The following NCOR1 variants were observed in gnomAD, a reference collection of about 807,000 sequenced individuals.
NCOR1 encodes the protein protein phosphatase 1, regulatory subunit 109.
NCOR1 carries 63 observed loss-of-function variants against 288.1 expected under a neutral mutation model. That is an observed-to-expected ratio of 0.22 (90% confidence interval 0.18 to 0.27). The LOEUF (loss-of-function observed/expected upper bound fraction) is 0.27. Among genes scored for constraint, NCOR1 ranks in the 10% least tolerant of loss-of-function variants. The pLI is 1.00. For synonymous variants in NCOR1, 1,007 were observed against 1,065.9 expected, an observed-to-expected ratio of 0.94 and a Z score of 1.08; for missense variants, 2,397 against 3,019.2, an observed-to-expected ratio of 0.79 and a Z score of 4.83.
At chr17:16,045,582 C>T (rs544033280) in intron 42 of NCOR1, among the ~76,000 whole-genome samples, 1 of 152,218 alleles carries the variant, frequency 6.6e-6, no homozygotes, top group South Asian at 2.1e-4. Context: ...AATCTTGGCT[C>T]ACTGCAACCT....
chr17:16,070,667 C>T (rs887247109), intron 30 of NCOR1, 142 bp from the exon 31 acceptor site: 1 of 1,083,788 alleles, frequency 9.2e-7, no homozygotes, highest in Non-Finnish European at 1.3e-6. Context: ...CACAACCCCA[C>T]TGATCCCAAG....
At chr17:16,042,293 A>C (rs2057861936) in intron 42 of NCOR1, among the ~76,000 whole-genome samples, 1 of 105,394 alleles carries the variant, frequency 9.5e-6, no homozygotes, top group African/African-American at 4.2e-5. Flanking sequence ...AGTGTGTGGA[A>C]CAGGAGTCAT....
rs192811874 is a variant in NCOR1, at chr17:16,044,591, G to A, written c.6679+2360C>T. 283 of 554,098 alleles carry A rather than the reference G, an allele frequency of 5.1e-4. 1 individual carries two copies. Among genetic ancestry groups the A allele is most frequent in the African/African-American group, 4.3e-3 (225 of 52,510 alleles). 34.3% of individuals were successfully genotyped at this position (554,098 alleles called of 1,614,324 possible). On this transcript the variant is annotated intron_variant, in intron 42 of 45. Transcript: ENST00000268712. ...TCATCCGGCAACTACCACCACGTCCGGCAGCGCCAGCCCCACACTTGCCCA... is the reference window on the plus strand; with the variant it reads ...TCATCCGGCAACTACCACCACGTCCAGCAGCGCCAGCCCCACACTTGCCCA...
intron 18 of NCOR1, among the ~76,000 whole-genome samples, chr17:16,110,081 A>G (rs1379603923): frequency 1.3e-5 from 2 of 152,218 alleles, no homozygotes; most frequent in Non-Finnish European, 2.9e-5. Context: ...TCAGCTAAGC[A>G]TAGGAGCTCA....
rs2152597539 is a variant in NCOR1, at chr17:16,061,572, C to T, written c.5710G>A (p.Gly1904Arg). 6.2e-6 allele frequency: 10 copies of T among 1,614,212 alleles called. No individual in the cohort carries two copies. Among genetic ancestry groups the T allele is most frequent in the Non-Finnish European group, 8.5e-6 (10 of 1,180,038 alleles). The change falls in exon 37 of 46, where the codon GGG becomes AGG. Residue 1904 changes from glycine to arginine, a missense_variant. This residue lies in a region of NCOR1 where 1,872 missense variants were observed against 2,187.8 expected (regional missense o/e 0.86). Coordinates refer to ENST00000268712, the MANE Select transcript of NCOR1 (RefSeq NM_006311.4). ...PHSSVVYSEA[G>R]KDKGPPPKSR... The stretch of plus-strand genomic sequence containing the variant: ...TTTGGAGGAGGCCCTTTATCTTTCC[C>T]AGCCTCAGAATAAACTACTGAAGAA...
intron 26 of NCOR1, among the ~76,000 whole-genome samples, chr17:16,076,700 T>C (rs1018908814): frequency 2.0e-5 from 3 of 152,180 alleles, no homozygotes; most frequent in Non-Finnish European, 4.4e-5. Context: ...CGATGAAAAG[T>C]AGATTTTATA....
intron 26 of NCOR1, among the ~76,000 whole-genome samples, chr17:16,077,487 GGAGA>G (rs2152789320): frequency 7.4e-5 from 2 of 27,142 alleles, no homozygotes; most frequent in African/African-American, 1.7e-4. Flanking sequence ...GGAGAGGGGA[GGAGA>G]GGGGAGGAGA....
intron 30 of NCOR1, among the ~76,000 whole-genome samples, chr17:16,070,983 C>T (rs1342749528): frequency 2.0e-5 from 3 of 150,894 alleles, no homozygotes; most frequent in Non-Finnish European, 2.9e-5. Flanking sequence ...GAGCCAAGAT[C>T]GTGCCATTAC....
rs1330117695 is a variant in NCOR1 at position 16,139,022 on chromosome 17, C to G, written c.1338G>C (p.Glu446Asp). 1.3e-6 allele frequency: 2 copies of G among 1,563,348 alleles called. No homozygotes were observed. The highest frequency in any genetic ancestry group is 2.7e-5 in the African/African-American group (2 of 73,090). Residue 446 changes from glutamate to aspartate, a missense_variant, in exon 12 of 46, where the codon GAG becomes GAC. Physicochemically the swap from Glu to Asp is conservative, Grantham distance 45 (BLOSUM62 2). Coordinates refer to ENST00000268712, the MANE Select transcript of NCOR1 (RefSeq NM_006311.4). ...ATATAAATTACTTGTCCTTAAAGAT[C>G]TCCTTTTCATGGTCAGTCCAAACAT... ...FMNVWTDHEKEIFKDKFIQHP... is the reference protein window; with the variant it reads ...FMNVWTDHEKDIFKDKFIQHP...
Position 16,039,433 on chromosome 17 carries a change from C to T in NCOR1, c.6955G>A (p.Gly2319Arg). ...AAAAGCACTAAAATGAAAGCTGTACCTGAATGAGGTGATGGGTCCCCTTCC... is the reference window on the plus strand; with the variant it reads ...AAAAGCACTAAAATGAAAGCTGTACTTGAATGAGGTGATGGGTCCCCTTCC... ...REEGDPSPHSGGVCKPKLISK... is the reference protein window; with the variant it reads ...REEGDPSPHSRGVCKPKLISK... Residue 2319 changes from glycine to arginine, a missense_variant and splice_region_variant, in exon 44 of 46, where the codon GGA becomes AGA. Coordinates refer to ENST00000268712, the MANE Select transcript of NCOR1 (RefSeq NM_006311.4). 1 of 1,613,178 alleles carries T rather than the reference C, an allele frequency of 6.2e-7. No individual in the cohort carries two copies. The highest frequency in any genetic ancestry group is 2.2e-5 in the East Asian group (1 of 44,850).
intron 44 of NCOR1, 63 bp from the exon 45 acceptor site, chr17:16,035,007 A>G: frequency 6.7e-7 from 1 of 1,492,404 alleles, no homozygotes; most frequent in African/African-American, 1.4e-5. Flanking sequence ...CCAAAATGCT[A>G]ATGATTATAT....
rs1011759535 is a variant in NCOR1, at chr17:16,215,407, G to A, written c.-116C>T. ...GAGCCGACGTGCGCCCCGGCCTGAG[G>A]AGTGGGACGCGGCCACGGCGCGCGG... On this transcript the variant is annotated 5_prime_UTR_variant, in exon 1 of 46. Coordinates refer to ENST00000268712, the MANE Select transcript of NCOR1 (RefSeq NM_006311.4). 7.3e-5 allele frequency: 29 copies of A among 395,914 alleles called. No individual in the cohort carries two copies. Among genetic ancestry groups the A allele is most frequent in the Admixed American group, 2.7e-4 (6 of 22,626 alleles). The allele number at this position is 395,914 out of a possible 1,614,324, so 24.5% of individuals were successfully genotyped here.
chr17:16,106,854 C>CACATATATATATATATATAT (rs1555652880), intron 19 of NCOR1, among the ~76,000 whole-genome samples: 3 of 46,154 alleles, frequency 6.5e-5, no homozygotes, highest in African/African-American at 3.2e-4. Flanking sequence ...CTTGATCAGA[C>CACATATATATATATATATAT]ATATATATAT....
chr17:16,211,751 GA>G (rs1391971829), intron 1 of NCOR1, among the ~76,000 whole-genome samples: 2 of 151,682 alleles, frequency 1.3e-5, no homozygotes, highest in Non-Finnish European at 2.9e-5. Flanking sequence ...ACTGGGGTAG[GA>G]AAAAAATGGT....
chr17:16,032,521 ATAAC>A, intron 45 of NCOR1, 38 bp from the exon 46 acceptor site: 1 of 1,528,478 alleles, frequency 6.5e-7, no homozygotes, highest in South Asian at 1.3e-5. Flanking sequence ...TGTCATGAAC[ATAAC>A]TGGTATTTCA....
intron 23 of NCOR1, among the ~76,000 whole-genome samples, chr17:16,083,425 C>G (rs550168996): frequency 5.3e-5 from 8 of 151,516 alleles, no homozygotes; most frequent in African/African-American, 1.9e-4. Flanking sequence ...AAAACACATA[C>G]AAATCTCTAA....
At chr17:16,070,975 G>A (rs2061684185) in intron 30 of NCOR1, among the ~76,000 whole-genome samples, 1 of 151,962 alleles carries the variant, frequency 6.6e-6, no homozygotes, top group South Asian at 2.1e-4. Context: ...GTTGCAGTGA[G>A]CCAAGATCGT....
intron 40 of NCOR1, among the ~76,000 whole-genome samples, chr17:16,053,417 A>G (rs1424656955): frequency 6.6e-6 from 1 of 152,212 alleles, no homozygotes; most frequent in Admixed American, 6.5e-5. Context: ...CAAGAGCCAA[A>G]TAAGGAATGC....
At chr17:16,109,376 G>A (rs1305889232) in intron 18 of NCOR1, among the ~76,000 whole-genome samples, 1 of 151,868 alleles carries the variant, frequency 6.6e-6, no homozygotes, top group Admixed American at 6.6e-5. Flanking sequence ...CAATCTTTCA[G>A]AGGCATATAC....
Sources: allele counts gnomAD v4.1 joint callset (sites outside exome capture counted in the v4.1 genomes callset), GRCh38; gene constraint gnomAD v4.1.1; regional missense constraint gnomAD v4.1.1; transcripts MANE v1.5; gene names NCBI Gene and HGNC (gene_info 2026-07-23, HGNC 2026-07-21).